FBXW10B: variants seen among roughly 807,000 people sequenced by gnomAD.
FBXW10B encodes F-box and WD repeat domain containing 10B.
At chr17:15,567,677 G>C in the FBXW10B span, among the ~76,000 whole-genome samples, 1 of 152,142 alleles carries the variant, frequency 6.6e-6, no homozygotes, top group Non-Finnish European at 1.5e-5. Context: ...CTGGGGAACA[G>C]AGTGAAATCC....
the FBXW10B span, among the ~76,000 whole-genome samples, chr17:15,617,622 C>T: frequency 1.3e-5 from 2 of 152,264 alleles, no homozygotes; most frequent in East Asian, 1.9e-4. Flanking sequence ...AGTGAGTTCT[C>T]GCTCTATTAA....
chr17:15,602,264 G>A, the FBXW10B span, among the ~76,000 whole-genome samples: 15 of 152,224 alleles, frequency 9.9e-5, no homozygotes, highest in African/African-American at 2.9e-4. Flanking sequence ...AGATCAGAGA[G>A]CTCAGGGACA....
the FBXW10B span, among the ~76,000 whole-genome samples, chr17:15,603,033 T>C: frequency 0.076 from 8,724 of 115,212 alleles, 430 homozygotes; most frequent in East Asian, 0.18. Flanking sequence ...TACAGTCATG[T>C]GCCACCATGC....
At chr17:15,580,864 T>C in the FBXW10B span, among the ~76,000 whole-genome samples, 17 of 152,222 alleles carry the variant, frequency 1.1e-4, no homozygotes, top group African/African-American at 3.9e-4. Flanking sequence ...GTCAACACTA[T>C]GTGCTCATTT....
the FBXW10B span, chr17:15,596,841 A>G: frequency 6.3e-6 from 2 of 316,262 alleles, no homozygotes; most frequent in Non-Finnish European, 4.6e-6. Context: ...CCAACAGCTC[A>G]TGTGCCCACA....
chr17:15,587,769 C>T, the FBXW10B span, among the ~76,000 whole-genome samples: 3 of 152,110 alleles, frequency 2.0e-5, no homozygotes, highest in Admixed American at 2.0e-4. Context: ...GTCTGCCTCT[C>T]TAGGGAGTTG....
chr17:15,607,320 A>T, the FBXW10B span, among the ~76,000 whole-genome samples: 3 of 147,530 alleles, frequency 2.0e-5, no homozygotes, highest in Admixed American at 6.8e-5. Context: ...TAAAGATTTT[A>T]TGTGTGACTT....
At chr17:15,600,611 G>A in the FBXW10B span, among the ~76,000 whole-genome samples, 1 of 151,716 alleles carries the variant, frequency 6.6e-6, no homozygotes, top group African/African-American at 2.4e-5. Flanking sequence ...GCTCAGTGGA[G>A]AAACTGTAGA....
At chr17:15,576,052 T>A in the FBXW10B span, among the ~76,000 whole-genome samples, 1 of 152,218 alleles carries the variant, frequency 6.6e-6, no homozygotes, top group Non-Finnish European at 1.5e-5. Context: ...CCTAGTTCGG[T>A]TAAAATTGGA....
At chr17:15,607,794 T>G in the FBXW10B span, 1 of 1,002,620 alleles carries the variant, frequency 1.0e-6, no homozygotes, top group East Asian at 2.7e-5. Context: ...ATTCTTCCTC[T>G]GAAGGCTGAG....
At chr17:15,585,737 T>C in the FBXW10B span, among the ~76,000 whole-genome samples, 1 of 152,222 alleles carries the variant, frequency 6.6e-6, no homozygotes, top group East Asian at 1.9e-4. Context: ...GTAGATGTTA[T>C]TGTTCTTTAG....
At chr17:15,580,273 CTT>C in the FBXW10B span, among the ~76,000 whole-genome samples, 1 of 152,076 alleles carries the variant, frequency 6.6e-6, no homozygotes, top group African/African-American at 2.4e-5. Flanking sequence ...AAAATTAGAA[CTT>C]TTTTTGCAAT....
chr17:15,601,415 A>C, the FBXW10B span, among the ~76,000 whole-genome samples: 2 of 147,154 alleles, frequency 1.4e-5, no homozygotes, highest in Admixed American at 1.3e-4. Flanking sequence ...TCTCAAAAAA[A>C]AAAAAAAAAA....
At chr17:15,593,176 C>T in the FBXW10B span, 5 of 445,774 alleles carry the variant, frequency 1.1e-5, no homozygotes, top group African/African-American at 1.1e-4. Flanking sequence ...CCTGTTAGTC[C>T]CCACCACAAG....
chr17:15,569,407 A>G, the FBXW10B span, among the ~76,000 whole-genome samples: 3 of 130,830 alleles, frequency 2.3e-5, no homozygotes, highest in Admixed American at 1.5e-4. Context: ...GCATTTTTTC[A>G]TATACCTTTT....
chr17:15,585,203 C>T, the FBXW10B span, among the ~76,000 whole-genome samples: 1 of 151,934 alleles, frequency 6.6e-6, no homozygotes, highest in Non-Finnish European at 1.5e-5. Context: ...GATGTAACAA[C>T]ACAGAGGTAT....
chr17:15,566,380 T>A, the FBXW10B span: 4 of 1,372,350 alleles, frequency 2.9e-6, no homozygotes, highest in Middle Eastern at 1.9e-4. Context: ...AAGAAAATTT[T>A]AAAAAATCGG....
At chr17:15,598,494 G>A in the FBXW10B span, 193 of 1,613,292 alleles carry the variant, frequency 1.2e-4, 1 homozygote, top group East Asian at 4.2e-3. Flanking sequence ...GTGGGTCGGG[G>A]GAAACTTCTT....
At chr17:15,615,674 T>C in the FBXW10B span, 1 of 1,613,852 alleles carries the variant, frequency 6.2e-7, no homozygotes, top group African/African-American at 1.3e-5. Context: ...AAGGAAGTGT[T>C]CATTTTCTGG....
Sources: gnomAD v4.1 joint callset for allele counts (sites outside exome capture counted in the v4.1 genomes callset) on GRCh38, gnomAD v4.1.1 for gene constraint, MANE v1.5 for transcripts, NCBI Gene and HGNC (gene_info 2026-07-23, HGNC 2026-07-21) for gene names.